The following NPSR1 variants were observed in gnomAD, a reference collection of about 807,000 sequenced individuals.
NPSR1 encodes the protein neuropeptide S receptor 1, also known as neuropeptide S receptor.
Under a neutral mutation model 46.9 loss-of-function variants are expected in NPSR1, and 48 were observed. The observed-to-expected ratio is 1.02, with a 90% CI of 0.81 to 1.30. The LOEUF (loss-of-function observed/expected upper bound fraction) is 1.30. Ranked by LOEUF, NPSR1 falls within the 50% of genes most tolerant of loss-of-function variation. The pLI is 0.00. For missense variants in NPSR1, 450 were observed against 449.5 expected, an observed-to-expected ratio of 1.00 and a Z score of -0.01; for synonymous variants, 176 against 168.1, an observed-to-expected ratio of 1.05 and a Z score of -0.36.
At chr7:34,661,421 G>A (rs1049081652) in intron 1 of NPSR1, among the ~76,000 whole-genome samples, 1 of 152,180 alleles carries the variant, frequency 6.6e-6, no homozygotes, top group Non-Finnish European at 1.5e-5. Context: ...AGTCTCAGCT[G>A]TCTTGCTCCG....
intron 2 of NPSR1, among the ~76,000 whole-genome samples, chr7:34,711,944 A>G (rs1783309168): frequency 6.6e-6 from 1 of 152,220 alleles, no homozygotes; most frequent in South Asian, 2.1e-4. Context: ...GTCTCTAACC[A>G]ATTAGAATCT....
chr7:34,694,274 G>A (rs1468830242), intron 2 of NPSR1, among the ~76,000 whole-genome samples: 2 of 152,076 alleles, frequency 1.3e-5, no homozygotes, highest in Non-Finnish European at 2.9e-5. Flanking sequence ...GACTCCAAAA[G>A]ACTCCTAGAC....
At chr7:34,792,008 C>G (rs571772107) in intron 3 of NPSR1, among the ~76,000 whole-genome samples, 105 of 152,152 alleles carry the variant, frequency 6.9e-4, no homozygotes, top group African/African-American at 2.3e-3. Context: ...AACTGGACAT[C>G]TACATGAGAA....
intron 1 of NPSR1, among the ~76,000 whole-genome samples, chr7:34,681,963 C>T (rs1166416862): frequency 6.6e-6 from 1 of 152,086 alleles, no homozygotes; most frequent in African/African-American, 2.4e-5. Flanking sequence ...AGAGAAAGGG[C>T]AATTTAAATA....
intron 2 of NPSR1, among the ~76,000 whole-genome samples, chr7:34,720,297 C>T (rs1000114673): frequency 2.6e-5 from 4 of 151,250 alleles, no homozygotes; most frequent in Non-Finnish European, 5.9e-5. Flanking sequence ...AAAAGGGAGC[C>T]AGACAAAGGC....
chr7:34,739,277 TATG>T (rs1784822916), intron 2 of NPSR1, among the ~76,000 whole-genome samples: 1 of 152,228 alleles, frequency 6.6e-6, no homozygotes, highest in Non-Finnish European at 1.5e-5. Flanking sequence ...TGCTGGGTCA[TATG>T]ATAATTCTAT....
chr7:34,871,347 C>A (rs956443906), intron 8 of NPSR1, among the ~76,000 whole-genome samples: 9 of 151,686 alleles, frequency 5.9e-5, no homozygotes, highest in Admixed American at 3.9e-4. Flanking sequence ...GATCCACCCC[C>A]ACGACACAAA....
chr7:34,670,682 A>G (rs957160737), intron 1 of NPSR1, among the ~76,000 whole-genome samples: 5 of 151,788 alleles, frequency 3.3e-5, no homozygotes, highest in African/African-American at 1.2e-4. Context: ...GAAAATAAAT[A>G]ATATTTCTAA....
chr7:34,742,518 A>G (rs992449377), intron 2 of NPSR1, among the ~76,000 whole-genome samples: 9 of 152,234 alleles, frequency 5.9e-5, no homozygotes, highest in East Asian at 1.9e-4. Context: ...TTATGATTGC[A>G]TAGTATCCCA....
At chr7:34,849,338 C>G (rs1234557130) in intron 8 of NPSR1, 3 of 1,550,340 alleles carry the variant, frequency 1.9e-6, no homozygotes, top group East Asian at 2.4e-5. Flanking sequence ...ATAGCAGTGT[C>G]TACCTGTTGG....
intron 2 of NPSR1, among the ~76,000 whole-genome samples, chr7:34,696,093 A>C (rs1163350442): frequency 1.3e-5 from 2 of 151,800 alleles, no homozygotes; most frequent in Non-Finnish European, 2.9e-5. Flanking sequence ...AAAAAAAAAA[A>C]AAAAACTGCG....
Position 34,849,730 on chromosome 7 carries a change from C to A in NPSR1, c.*75C>A. On this transcript the variant is annotated 3_prime_UTR_variant, in exon 9 of 9. Coordinates refer to ENST00000360581, the MANE Select transcript of NPSR1 (RefSeq NM_207172.2). ...TCCTTGTCACCTGCTTGGGCACGTG[C>A]ATGGAACCCGAGCCAACTTCACCCC... is the stretch of plus-strand genomic sequence containing the variant. 1 of 1,587,874 alleles carries A rather than the reference C, an allele frequency of 6.3e-7. No individual in the cohort carries two copies. Among genetic ancestry groups the A allele is most frequent in the Non-Finnish European group, 8.6e-7 (1 of 1,167,634 alleles).
chr7:34,699,111 T>A (rs1286958797), intron 2 of NPSR1, among the ~76,000 whole-genome samples: 1 of 152,198 alleles, frequency 6.6e-6, no homozygotes, highest in Non-Finnish European at 1.5e-5. Flanking sequence ...ACTGACATGA[T>A]ACTGGCTCTA....
At chr7:34,823,124 C>T (rs929886771) in intron 4 of NPSR1, among the ~76,000 whole-genome samples, 1 of 152,116 alleles carries the variant, frequency 6.6e-6, no homozygotes, top group African/African-American at 2.4e-5. Flanking sequence ...GGCGCTGTGG[C>T]CCACGCCGGT....
chr7:34,797,560 C>T, intron 3 of NPSR1, among the ~76,000 whole-genome samples: 1 of 151,990 alleles, frequency 6.6e-6, no homozygotes, highest in East Asian at 1.9e-4. Context: ...CAAAGTGTAG[C>T]ACACACATAT....
At chr7:34,798,523 A>T (rs1398472290) in intron 3 of NPSR1, among the ~76,000 whole-genome samples, 1 of 152,166 alleles carries the variant, frequency 6.6e-6, no homozygotes, top group Admixed American at 6.5e-5. Context: ...TGACAGAGTG[A>T]GACTCTGTCT....
chr7:34,811,968 C>CT (rs1390932404), intron 4 of NPSR1, 105 bp downstream of exon 4: 2 of 693,334 alleles, frequency 2.9e-6, no homozygotes, highest in East Asian at 5.7e-5. Flanking sequence ...TCTTCCTCCT[C>CT]TTTCCTTCTC....
intron 2 of NPSR1, among the ~76,000 whole-genome samples, chr7:34,707,189 A>G (rs1023059626): frequency 6.6e-6 from 1 of 152,204 alleles, no homozygotes; most frequent in African/African-American, 2.4e-5. Context: ...CATTTCTAAA[A>G]TTACAAGGGT....
chr7:34,844,810 T>A (rs990045621), intron 6 of NPSR1, 86 bp from the exon 7 acceptor site: 2 of 879,202 alleles, frequency 2.3e-6, no homozygotes, highest in South Asian at 2.7e-5. Flanking sequence ...AAAACTGGAG[T>A]CTAACCTTTA....
Sources: gnomAD v4.1 joint callset for allele counts (sites outside exome capture counted in the v4.1 genomes callset) on GRCh38, gnomAD v4.1.1 for gene constraint, MANE v1.5 for transcripts, NCBI Gene and HGNC (gene_info 2026-07-23, HGNC 2026-07-21) for gene names.